Variants in SLC13A4 observed in about 807,000 individuals in gnomAD.
SLC13A4 encodes solute carrier family 13 member 4.
In SLC13A4, 28 loss-of-function variants were observed where a neutral mutation model predicts 72.7. That is an observed-to-expected ratio of 0.39 (90% CI 0.29 to 0.53). The LOEUF is 0.53. Among genes scored for constraint, SLC13A4 ranks in the 20% least tolerant of loss-of-function variants. The pLI is 0.78. For synonymous variants in SLC13A4, 312 were observed against 325.5 expected (o/e 0.96, Z 0.45); for missense variants, 653 against 788.0 (o/e 0.83, Z 2.05).
chr7:135,697,165 C>A (rs1160280738), intron 8 of SLC13A4, among the ~76,000 whole-genome samples: 1 of 152,260 alleles, frequency 6.6e-6, no homozygotes, highest in African/African-American at 2.4e-5. Flanking sequence ...CCTGTCTGGG[C>A]ATGGTGGCCC....
chr7:135,691,459 G>T, intron 12 of SLC13A4, 89 bp downstream of exon 12: 1 of 1,488,338 alleles, frequency 6.7e-7, no homozygotes, highest in Non-Finnish European at 9.3e-7. Context: ...GTGGGAATCT[G>T]AAGGACCTTG....
At chr7:135,691,506 T>C in intron 12 of SLC13A4, 42 bp downstream of exon 12, 1 of 1,551,230 alleles carries the variant, frequency 6.4e-7, no homozygotes, top group African/African-American at 1.4e-5. Context: ...GATTTGGGTA[T>C]TCTTCAACTA....
intron 8 of SLC13A4, among the ~76,000 whole-genome samples, chr7:135,695,852 C>T (rs1795892037): frequency 6.6e-6 from 1 of 152,162 alleles, no homozygotes; most frequent in Non-Finnish European, 1.5e-5. Context: ...TACTTTGTTT[C>T]TAAAATCACC....
intron 2 of SLC13A4, among the ~76,000 whole-genome samples, chr7:135,718,070 T>TAA (rs1796467125): frequency 2.0e-5 from 2 of 102,494 alleles, no homozygotes; most frequent in East Asian, 6.5e-4. Flanking sequence ...AGCCAATTCC[T>TAA]ACACACACAC....
chr7:135,710,961 A>G (rs981031131), intron 2 of SLC13A4, among the ~76,000 whole-genome samples: 2 of 112,492 alleles, frequency 1.8e-5, no homozygotes, highest in South Asian at 3.2e-4. Flanking sequence ...GGCAGAGTCC[A>G]CTCTGAGAGG....
intron 2 of SLC13A4, among the ~76,000 whole-genome samples, chr7:135,709,504 C>T (rs182218455): frequency 8.6e-5 from 13 of 152,018 alleles, no homozygotes; most frequent in African/African-American, 2.7e-4. Flanking sequence ...ACTGCAGCCT[C>T]AACCTCCCAG....
chr7:135,682,976 G>A (rs996615014), intron 15 of SLC13A4, among the ~76,000 whole-genome samples: 3 of 152,046 alleles, frequency 2.0e-5, no homozygotes, highest in Non-Finnish European at 4.4e-5. Context: ...TATCACGGAT[G>A]ACTTAGATGA....
chr7:135,696,421 T>G (rs890528156), intron 8 of SLC13A4, among the ~76,000 whole-genome samples: 1 of 152,286 alleles, frequency 6.6e-6, no homozygotes, highest in East Asian at 1.9e-4. Context: ...TGATCTCAGC[T>G]CACTGCAACT....
At chr7:135,715,020 A>T (rs1011369918) in intron 2 of SLC13A4, among the ~76,000 whole-genome samples, 1 of 150,914 alleles carries the variant, frequency 6.6e-6, no homozygotes, top group Admixed American at 6.6e-5. Flanking sequence ...ATTTGTGTAT[A>T]TGTGAGTGTG....
intron 2 of SLC13A4, among the ~76,000 whole-genome samples, chr7:135,713,084 CA>C (rs1313040675): frequency 6.6e-6 from 1 of 152,142 alleles, no homozygotes; most frequent in Non-Finnish European, 1.5e-5. Context: ...GGATGCTTGC[CA>C]TTAGCATTCC....
At chr7:135,685,413 C>T in intron 14 of SLC13A4, 109 bp downstream of exon 14, 1 of 884,576 alleles carries the variant, frequency 1.1e-6, no homozygotes, top group African/African-American at 1.7e-5. Flanking sequence ...AGGCTGTGGG[C>T]AGTAACCAGA....
chr7:135,706,512 A>G (rs1213132616), intron 3 of SLC13A4, among the ~76,000 whole-genome samples: 1 of 152,230 alleles, frequency 6.6e-6, no homozygotes, highest in Non-Finnish European at 1.5e-5. Context: ...AATGAATCAC[A>G]CTTCATGGAC....
chr7:135,683,638 T>G (rs1465520304), intron 15 of SLC13A4: 3 of 985,318 alleles, frequency 3.0e-6, no homozygotes, highest in Non-Finnish European at 3.6e-6. Context: ...ACGCTTCATT[T>G]TCCATTGTTG....
intron 1 of SLC13A4, among the ~76,000 whole-genome samples, chr7:135,726,918 A>G (rs1190567565): frequency 6.6e-6 from 1 of 152,178 alleles, no homozygotes; most frequent in Non-Finnish European, 1.5e-5. Flanking sequence ...CCAGGACACG[A>G]CCACAGACCA....
rs187491409 is a variant in SLC13A4, at chr7:135,708,732, T to C, written c.229-482A>G. 1.7e-3 allele frequency among the ~76,000 whole-genome samples: 255 copies of C among 152,116 alleles called. 2 individuals are homozygous for C. The highest frequency in any genetic ancestry group is 2.8e-3 in the Non-Finnish European group (188 of 67,988). Reference sequence around the variant, plus strand: ...ACTCAGTATGGAAAACTTCAAAATATAAAAAAAGTTAAAGACAAAATTACC... The same window carrying C: ...ACTCAGTATGGAAAACTTCAAAATACAAAAAAAGTTAAAGACAAAATTACC... On this transcript the variant is annotated intron_variant, in intron 2 of 15. Coordinates refer to ENST00000682651, the MANE Select transcript of SLC13A4 (RefSeq NM_001318192.2).
intron 5 of SLC13A4, chr7:135,703,791 G>C (rs1796096634): frequency 6.6e-6 from 1 of 152,290 alleles, no homozygotes; most frequent in African/African-American, 2.4e-5. Flanking sequence ...GCTCTGTCAG[G>C]GAAGGATAAG....
intron 1 of SLC13A4, among the ~76,000 whole-genome samples, chr7:135,722,605 C>G (rs1349949868): frequency 6.7e-6 from 1 of 149,438 alleles, no homozygotes; most frequent in Non-Finnish European, 1.5e-5. Flanking sequence ...AAAAAAAAAG[C>G]TTTATTGCTT....
At chr7:135,686,580 G>T (rs1271987145) in intron 13 of SLC13A4, among the ~76,000 whole-genome samples, 1 of 152,056 alleles carries the variant, frequency 6.6e-6, no homozygotes, top group East Asian at 1.9e-4. Context: ...ATGTTGCCCA[G>T]GCCTGTCTCA....
chr7:135,695,581 C>A, intron 8 of SLC13A4, 94 bp from the exon 9 acceptor site: 1 of 1,399,908 alleles, frequency 7.1e-7, no homozygotes. Flanking sequence ...AAACATACAG[C>A]TGGGCTAAGT....
Sources: gnomAD v4.1 joint callset for allele counts (sites outside exome capture counted in the v4.1 genomes callset) on GRCh38, gnomAD v4.1.1 for gene constraint, MANE v1.5 for transcripts, NCBI Gene and HGNC (gene_info 2026-07-23, HGNC 2026-07-21) for gene names.